Variants in CLEC3A observed in about 807,000 individuals in gnomAD.
The protein encoded by CLEC3A is C-type (calcium dependent, carbohydrate-recognition domain) lectin, superfamily member 1 (cartilage-derived).
A neutral mutation model predicts 20.4 loss-of-function variants in CLEC3A; 28 were observed. That is an observed-to-expected ratio of 1.37 (90% CI 1.02 to 1.88). CLEC3A has a LOEUF of 1.88. Among genes scored for constraint, CLEC3A ranks in the 40% most tolerant of loss-of-function variants. The probability of loss-of-function intolerance (pLI) is 0.00; values close to 1 mark genes in which losing one functional copy is unlikely to be tolerated. For synonymous variants in CLEC3A, 110 were observed against 88.1 expected (o/e 1.25, Z -1.39); for missense variants, 357 against 240.4 (o/e 1.48, Z -3.21).
chr16:78,025,119 G>A (rs1368507932), intron 1 of CLEC3A, among the ~76,000 whole-genome samples: 1 of 152,196 alleles, frequency 6.6e-6, no homozygotes, highest in Non-Finnish European at 1.5e-5. Context: ...TATTCCCAGA[G>A]TTTTTAAAAT....
In CLEC3A at chr16:78,030,841, G is replaced by C. The variant is rs146512216; in HGVS notation, c.594G>C (p.Ter198TyrextTer24). 1.9e-6 allele frequency: 3 copies of C among 1,606,406 alleles called. No individual in the cohort carries two copies. Among genetic ancestry groups the C allele is most frequent in the African/African-American group, 1.3e-5 (1 of 74,834 alleles). The change falls in exon 3 of 3, where the codon TAG (stop) becomes TAC (tyrosine). Residue 198 changes from the stop codon to tyrosine, a stop_lost. Transcript: ENST00000299642. ...TATGCGAGTTCACCATCCCTCAATAGGTCTTTCTCCAATGTGTCCTCCAAG... is the reference window on the plus strand; with the variant it reads ...TATGCGAGTTCACCATCCCTCAATACGTCTTTCTCCAATGTGTCCTCCAAG... ...RYICEFTIPQ[*>Y]
chr16:78,023,757 C>CTT (rs112037307), intron 1 of CLEC3A, among the ~76,000 whole-genome samples: 11 of 134,530 alleles, frequency 8.2e-5, no homozygotes, highest in Non-Finnish European at 8.1e-5. Flanking sequence ...TGCAAGGTTT[C>CTT]TTTTTTTTTT....
At chr16:78,026,151 C>T (rs1206922224) in intron 1 of CLEC3A, among the ~76,000 whole-genome samples, 1 of 152,136 alleles carries the variant, frequency 6.6e-6, no homozygotes, top group Non-Finnish European at 1.5e-5. Context: ...CCATGGGATG[C>T]TTTGAGAACT....
chr16:78,028,852 C>G (rs1476552345), intron 2 of CLEC3A, among the ~76,000 whole-genome samples: 1 of 152,218 alleles, frequency 6.6e-6, no homozygotes, highest in Non-Finnish European at 1.5e-5. Context: ...TTACGGCTTT[C>G]CATCAAGTAT....
At position 78,030,575 on chromosome 16, in the gene CLEC3A, G is replaced by T. The variant is rs202038528; in HGVS notation, c.328G>T (p.Glu110Ter). Residue 110 changes from glutamate to a stop codon, truncating the protein, a stop_gained, in exon 3 of 3, where the codon GAA (glutamate) becomes TAA (stop). Coordinates refer to ENST00000299642, the MANE Select transcript of CLEC3A (RefSeq NM_005752.6). LOFTEE classifies it high-confidence loss of function. ...CCTGGTTATCCCCAGGAACTCCGAC[G>T]AAATCAACGCCCTCCAAGACTATGG... ...GILVIPRNSD[E>*]INALQDYGKR... 6.2e-7 allele frequency: 1 copy of T among 1,614,120 alleles called. No homozygotes were observed. The highest frequency in any genetic ancestry group is 2.2e-5 in the East Asian group (1 of 44,868).
At chr16:78,029,559 G>A (rs2030023923) in intron 2 of CLEC3A, among the ~76,000 whole-genome samples, 1 of 151,924 alleles carries the variant, frequency 6.6e-6, no homozygotes, top group Admixed American at 6.6e-5. Context: ...TAGTACAGAC[G>A]GGGTTTCACT....
rs768580704 is a variant in CLEC3A at position 78,030,614 on chromosome 16, C to T, written c.367C>T (p.Pro123Ser). ...ALQDYGKRSL[P>S]GVNDFWLGIN... ...CCAAGACTATGGTAAAAGGAGCCTG[C>T]CAGGTGTCAATGACTTTTGGCTGGG... The change falls in exon 3 of 3, where the codon CCA (proline) becomes TCA (serine). Residue 123 changes from proline (P) to serine (S), a missense_variant. Physicochemically the swap from Pro to Ser is moderately conservative, Grantham distance 74. Coordinates refer to ENST00000299642, the MANE Select transcript of CLEC3A (RefSeq NM_005752.6). The T allele has an allele frequency of 1.9e-6, 3 of 1,614,094 alleles. No individual in the cohort carries two copies. The highest frequency in any genetic ancestry group is 2.5e-6 in the Non-Finnish European group (3 of 1,180,022).
chr16:78,026,068 C>T (rs2029910178), intron 1 of CLEC3A, among the ~76,000 whole-genome samples: 1 of 152,166 alleles, frequency 6.6e-6, no homozygotes, highest in Admixed American at 6.5e-5. Context: ...ATTCTGAATG[C>T]ACCCTTACAT....
chr16:78,030,623 A>G lies in CLEC3A; in HGVS notation c.376A>G (p.Asn126Asp). 1 of 1,614,134 alleles carries G rather than the reference A, an allele frequency of 6.2e-7. No homozygotes were observed. Among genetic ancestry groups the G allele is most frequent in the Non-Finnish European group, 8.5e-7 (1 of 1,180,022 alleles). The change falls in exon 3 of 3, where the codon AAT (asparagine) becomes GAT (aspartate). Residue 126 changes from asparagine to aspartate, a missense_variant. Physicochemically the swap from Asn to Asp is conservative, Grantham distance 23 (BLOSUM62 1). Coordinates refer to ENST00000299642, the MANE Select transcript of CLEC3A (RefSeq NM_005752.6). The part of the protein sequence containing the change: ...DYGKRSLPGV[N>D]DFWLGINDMV... ...TGGTAAAAGGAGCCTGCCAGGTGTC[A>G]ATGACTTTTGGCTGGGCATCAATGA...
At chr16:78,029,558 C>CG (rs558869136) in intron 2 of CLEC3A, among the ~76,000 whole-genome samples, 10 of 152,010 alleles carry the variant, frequency 6.6e-5, no homozygotes, top group Admixed American at 2.0e-4. Flanking sequence ...TTAGTACAGA[C>CG]GGGGTTTCAC....
chr16:78,029,773 C>T (rs1183648998), intron 2 of CLEC3A, among the ~76,000 whole-genome samples: 7 of 152,022 alleles, frequency 4.6e-5, no homozygotes. Context: ...TATATCAGAA[C>T]AGCATGAAGT....
chr16:78,026,945 C>G (rs554191602), intron 1 of CLEC3A, among the ~76,000 whole-genome samples: 3 of 152,134 alleles, frequency 2.0e-5, no homozygotes, highest in Non-Finnish European at 4.4e-5. Flanking sequence ...TGTGTTGAGT[C>G]GGAACACTGG....
In CLEC3A at chr16:78,022,635, G is replaced by A. The variant is rs1283932944; in HGVS notation, c.9G>A (p.Lys3=). 6.2e-7 allele frequency: 1 copy of A among 1,614,120 alleles called. No homozygotes were observed. The highest frequency in any genetic ancestry group is 8.5e-7 in the Non-Finnish European group (1 of 1,180,014). The change falls in exon 1 of 3, where the codon AAG becomes AAA. Residue 3 remains lysine, a synonymous_variant. Transcript: ENST00000299642. MA[K]NGLVICILVI... is the part of the protein sequence containing the mutation. The stretch of plus-strand genomic sequence containing the variant: ...AGGCTTGCCCCAGAGCCATGGCAAA[G>A]AATGGACTTGTAATTTGCATCCTGG...
At chr16:78,025,750 G>C (rs1335941197) in intron 1 of CLEC3A, among the ~76,000 whole-genome samples, 2 of 152,132 alleles carry the variant, frequency 1.3e-5, no homozygotes, top group Non-Finnish European at 1.5e-5. Context: ...CTCAGTAGTT[G>C]TTCCACATAT....
At chr16:78,029,241 T>A in intron 2 of CLEC3A, 1 of 405,598 alleles carries the variant, frequency 2.5e-6, no homozygotes, top group South Asian at 1.9e-5. Flanking sequence ...GACTCTCCAG[T>A]GCTACGGCCT....
At chr16:78,029,821 G>A (rs897974787) in intron 2 of CLEC3A, among the ~76,000 whole-genome samples, 18 of 152,090 alleles carry the variant, frequency 1.2e-4, no homozygotes, top group Admixed American at 9.2e-4. Flanking sequence ...ACCTGCATTT[G>A]GGTAGCTGTG....
At chr16:78,025,653 T>C (rs1453498281) in intron 1 of CLEC3A, among the ~76,000 whole-genome samples, 1 of 152,224 alleles carries the variant, frequency 6.6e-6, no homozygotes, top group East Asian at 1.9e-4. Context: ...CCGAAGAATT[T>C]AGCTTCAAAC....
At chr16:78,023,041 C>T (rs961614080) in intron 1 of CLEC3A, among the ~76,000 whole-genome samples, 1 of 152,144 alleles carries the variant, frequency 6.6e-6, no homozygotes, top group African/African-American at 2.4e-5. Flanking sequence ...TCAGAGGAAG[C>T]TCAAGTGGAT....
At chr16:78,022,771 C>G (rs1163116937) in intron 1 of CLEC3A, 30 bp downstream of exon 1, 3 of 1,612,548 alleles carry the variant, frequency 1.9e-6, no homozygotes, top group South Asian at 2.2e-5. Flanking sequence ...AAGCAAAATT[C>G]TAGGCTTAGA....
Sources: gnomAD v4.1 joint callset for allele counts (sites outside exome capture counted in the v4.1 genomes callset) on GRCh38, gnomAD v4.1.1 for gene constraint, MANE v1.5 for transcripts, NCBI Gene and HGNC (gene_info 2026-07-23, HGNC 2026-07-21) for gene names.